RGL1: variants seen among roughly 807,000 people sequenced by gnomAD.
RGL1 encodes the protein ral guanine nucleotide dissociation stimulator like 1.
Under a neutral mutation model 95.2 loss-of-function variants are expected in RGL1, and 24 were observed. The observed-to-expected ratio is 0.25, with a 90% confidence interval of 0.18 to 0.35. The LOEUF (loss-of-function observed/expected upper bound fraction) is 0.35, where lower values mean the gene tolerates loss of function less well. Ranked by LOEUF, RGL1 falls within the 10% of genes least tolerant of loss-of-function variation. RGL1 has a pLI of 1.00. For missense variants in RGL1, 715 were observed against 936.3 expected, an observed-to-expected ratio of 0.76 and a Z score of 3.08; for synonymous variants, 329 against 344.9, an observed-to-expected ratio of 0.95 and a Z score of 0.51.
At chr1:183,691,386 G>A (rs894196465) in intron 1 of RGL1, among the ~76,000 whole-genome samples, 1 of 152,218 alleles carries the variant, frequency 6.6e-6, no homozygotes, top group Non-Finnish European at 1.5e-5. Flanking sequence ...ATGCCCTGAA[G>A]TGATAGCTCT....
At chr1:183,746,634 T>C (rs1359169886) in intron 2 of RGL1, among the ~76,000 whole-genome samples, 1 of 151,406 alleles carries the variant, frequency 6.6e-6, no homozygotes, top group Non-Finnish European at 1.5e-5. Flanking sequence ...TTTTTTTTTT[T>C]TTTTAGTTTT....
intron 2 of RGL1, among the ~76,000 whole-genome samples, chr1:183,838,950 A>G (rs2102510845): frequency 6.6e-6 from 1 of 152,382 alleles, no homozygotes; most frequent in East Asian, 1.9e-4. Flanking sequence ...TGGCTCCAGC[A>G]TACCGCTGTC....
intron 1 of RGL1, among the ~76,000 whole-genome samples, chr1:183,717,013 A>G (rs1655662849): frequency 6.6e-6 from 1 of 152,134 alleles, no homozygotes; most frequent in Admixed American, 6.5e-5. Context: ...GTAAGCATTG[A>G]TTCATGGGTG....
chr1:183,725,942 T>A (rs763909427), intron 1 of RGL1, among the ~76,000 whole-genome samples: 5 of 152,156 alleles, frequency 3.3e-5, no homozygotes, highest in Non-Finnish European at 5.9e-5. Flanking sequence ...TTTAAAAGGA[T>A]TGATATGATA....
intron 2 of RGL1, among the ~76,000 whole-genome samples, chr1:183,756,094 A>G (rs113266500): frequency 0.031 from 4,709 of 151,940 alleles, 202 homozygotes; most frequent in African/African-American, 0.1. Flanking sequence ...CATGTTGGCC[A>G]GGCTGGTCTT....
rs1167211338 is a variant in RGL1, at chr1:183,815,088, A to G, written c.138+8603A>G. Among the ~76,000 whole-genome samples, 6 of 152,158 alleles carry G rather than the reference A, an allele frequency of 3.9e-5. No homozygotes were observed. The South Asian group carries it at 8.3e-4, about 21-fold the overall frequency. The stretch of plus-strand genomic sequence containing the variant: ...AGAGTTCAAGACCAGCCTGGCCAAC[A>G]TGGTGAAAACCCACGTCTCTACTAA... On this transcript the variant is annotated intron_variant, in intron 2 of 17. Transcript: ENST00000360851.
rs754577612 is a variant in RGL1, at chr1:183,858,338, A to AT, written c.348-7651dup. Among the ~76,000 whole-genome samples the AT allele has an allele frequency of 6.7e-4, 102 of 152,212 alleles. 2 individuals are homozygous for AT. Among genetic ancestry groups the AT allele is most frequent in the South Asian group, 5.2e-3 (25 of 4,812 alleles). The stretch of plus-strand genomic sequence containing the variant: ...TCTTTAGAAAAAAGAGAATGTCACA[A>AT]TTTTTTTCATAAAATTTAGGGACTT... On this transcript the variant is annotated intron_variant, in intron 3 of 17. Coordinates refer to ENST00000360851, the MANE Select transcript of RGL1 (RefSeq NM_001297671.3).
chr1:183,905,671 A>C (rs947549771), intron 13 of RGL1, among the ~76,000 whole-genome samples: 75 of 152,192 alleles, frequency 4.9e-4, no homozygotes, highest in Non-Finnish European at 3.2e-4. Flanking sequence ...TGGGATGGGC[A>C]TAGAAAGGCA....
chr1:183,815,439 C>T (rs1662021803), intron 2 of RGL1, among the ~76,000 whole-genome samples: 1 of 152,156 alleles, frequency 6.6e-6, no homozygotes. Context: ...AGACATGACA[C>T]AATAAACATG....
intron 11 of RGL1, among the ~76,000 whole-genome samples, chr1:183,901,800 TAAGTG>T (rs1668042375): frequency 6.6e-6 from 1 of 152,250 alleles, no homozygotes; most frequent in Middle Eastern, 3.4e-3. Flanking sequence ...AATAAAATAT[TAAGTG>T]AAGAAGAAAT....
intron 1 of RGL1, among the ~76,000 whole-genome samples, chr1:183,727,040 G>C (rs965201940): frequency 2.0e-5 from 3 of 152,006 alleles, no homozygotes; most frequent in Non-Finnish European, 4.4e-5. Flanking sequence ...CTCAAAACCA[G>C]ACCAAAAATA....
intron 8 of RGL1, among the ~76,000 whole-genome samples, chr1:183,889,156 G>C (rs997152869): frequency 6.6e-6 from 1 of 151,992 alleles, no homozygotes; most frequent in African/African-American, 2.4e-5. Flanking sequence ...TAACAACTTG[G>C]TTTCCTGATT....
intron 2 of RGL1, among the ~76,000 whole-genome samples, chr1:183,831,994 A>G (rs1386656616): frequency 6.6e-6 from 1 of 152,232 alleles, no homozygotes. Context: ...ATTATAGGAT[A>G]GGCATGTCAA....
At chr1:183,830,093 G>A (rs1241256901) in intron 2 of RGL1, among the ~76,000 whole-genome samples, 2 of 152,122 alleles carry the variant, frequency 1.3e-5, no homozygotes, top group Non-Finnish European at 2.9e-5. Flanking sequence ...TCTGAAAAAT[G>A]AATGAAAATG....
At chr1:183,753,861 T>A (rs1184678006) in intron 2 of RGL1, among the ~76,000 whole-genome samples, 2 of 152,172 alleles carry the variant, frequency 1.3e-5, no homozygotes, top group South Asian at 4.1e-4. Flanking sequence ...TTCTAAAAAC[T>A]GTGGGTCTCA....
chr1:183,823,143 G>A (rs1662607940), intron 2 of RGL1, among the ~76,000 whole-genome samples: 1 of 152,028 alleles, frequency 6.6e-6, no homozygotes. Flanking sequence ...AGTTTTATAA[G>A]TTAAAAATGG....
chr1:183,652,872 C>T (rs978598033), intron 1 of RGL1, among the ~76,000 whole-genome samples: 1 of 152,158 alleles, frequency 6.6e-6, no homozygotes, highest in Admixed American at 6.5e-5. Context: ...GGACTGGGAC[C>T]GTGGGAGGAC....
intron 1 of RGL1, among the ~76,000 whole-genome samples, chr1:183,690,833 G>A (rs1044920322): frequency 1.1e-4 from 16 of 151,884 alleles, no homozygotes; most frequent in African/African-American, 3.4e-4. Flanking sequence ...TTTATACTTA[G>A]CACGTTAGCA....
At chr1:183,758,187 T>C (rs1658456708) in intron 2 of RGL1, among the ~76,000 whole-genome samples, 1 of 147,932 alleles carries the variant, frequency 6.8e-6, no homozygotes, top group Non-Finnish European at 1.5e-5. Context: ...GGGTGGCTTA[T>C]AAACGATAGA....
Sources: allele counts gnomAD v4.1 joint callset (sites outside exome capture counted in the v4.1 genomes callset), GRCh38; gene constraint gnomAD v4.1.1; transcripts MANE v1.5; gene names NCBI Gene and HGNC (gene_info 2026-07-23, HGNC 2026-07-21).